Variants in RNF115 observed in about 807,000 individuals in gnomAD.
RNF115 encodes E3 ubiquitin-protein ligase RNF115.
RNF115 carries 31 observed loss-of-function variants against 39.2 expected under a neutral mutation model. That is an observed-to-expected ratio of 0.79 (90% confidence interval 0.59 to 1.07). The LOEUF (loss-of-function observed/expected upper bound fraction) is 1.07. Ranked by LOEUF, RNF115 falls within the 50% of genes least tolerant of loss-of-function variation. The pLI, the probability that RNF115 is intolerant of heterozygous loss-of-function variation, is 0.00. For missense variants in RNF115, 384 were observed against 381.7 expected, an observed-to-expected ratio of 1.01 and a Z score of -0.05; for synonymous variants, 124 against 131.0, an observed-to-expected ratio of 0.95 and a Z score of 0.37.
intron 1 of RNF115, among the ~76,000 whole-genome samples, chr1:145,804,499 GCACACACACACACACACACACA>G: frequency 6.7e-6 from 1 of 148,540 alleles, no homozygotes; most frequent in South Asian, 2.2e-4. Flanking sequence ...ATGCATGCAT[GCACACACACACACACACACACA>G]CACACACACA....
intron 1 of RNF115, among the ~76,000 whole-genome samples, chr1:145,805,397 TA>T (rs587651340): frequency 4.1e-4 from 56 of 136,140 alleles, no homozygotes; most frequent in East Asian, 1.0e-3. Context: ...AAAATAGTTC[TA>T]AAAAAAAAAT....
intron 2 of RNF115, among the ~76,000 whole-genome samples, chr1:145,784,927 A>G (rs587769523): frequency 6.6e-6 from 1 of 152,318 alleles, no homozygotes; most frequent in East Asian, 1.9e-4. Context: ...AACGCTAACA[A>G]AACAAAATGT....
chr1:145,749,083 G>GT (rs1443902492), intron 7 of RNF115, among the ~76,000 whole-genome samples: 1 of 152,106 alleles, frequency 6.6e-6, no homozygotes, highest in Non-Finnish European at 1.5e-5. Context: ...CAAGCAGCAA[G>GT]TTTTGAGTTT....
In RNF115 at chr1:145,823,901, AG is replaced by A. The variant is rs1359333625; in HGVS notation, c.-29del. 27 of 1,474,398 alleles carry A rather than the reference AG, an allele frequency of 1.8e-5. No homozygotes were observed. Among genetic ancestry groups the A allele is most frequent in the Admixed American group, 2.3e-5 (1 of 43,800 alleles). 91.3% of individuals were successfully genotyped at this position (1,474,398 alleles called of 1,614,324 possible). A position where few individuals can be genotyped will look rare whatever the true frequency, so the allele number is the denominator to read the frequency against. On this transcript the variant is annotated 5_prime_UTR_variant, in exon 1 of 9. Coordinates refer to ENST00000582693, the MANE Select transcript of RNF115 (RefSeq NM_014455.4). ...TTGCCCTCCGCCGCGGCCGTCCGAGAGGGCAGCCGGCCCGTCCCTCGCCAGG... is the reference window on the plus strand; with the variant it reads ...TTGCCCTCCGCCGCGGCCGTCCGAGAGGCAGCCGGCCCGTCCCTCGCCAGG...
rs1553724980 is a variant in RNF115, at chr1:145,823,870, C to A, written c.4G>T (p.Ala2Ser). 1 of 1,541,606 alleles carries A rather than the reference C, an allele frequency of 6.5e-7. No homozygotes were observed. The highest frequency in any genetic ancestry group is 8.7e-7 in the Non-Finnish European group (1 of 1,146,992). ...TCCGCCCCGGCCGCCGAAGCCTCCG[C>A]CATTTTTGCCCTCCGCCGCGGCCGT... is the stretch of plus-strand genomic sequence containing the variant. The part of the protein sequence containing the change: M[A>S]EASAAGADSG... Residue 2 changes from alanine (A) to serine (S), a missense_variant, in exon 1 of 9, where the codon GCG becomes TCG. Ala to Ser is a moderately conservative substitution (Grantham distance 99). Transcript: ENST00000582693.
rs1553711674 is a variant in RNF115, at chr1:145,745,951, G to A, written c.*915C>T. The A allele has an allele frequency of 6.6e-6, 1 of 151,298 alleles. No homozygotes were observed. The allele number at this position is 151,298 out of a possible 1,614,324, so 9.4% of individuals were successfully genotyped here. On this transcript the variant is annotated 3_prime_UTR_variant, in exon 9 of 9. Coordinates refer to ENST00000582693, the MANE Select transcript of RNF115 (RefSeq NM_014455.4). ...TTTAAAAATTAAAATAAGAGGCCAG[G>A]CGCAGTGGCTCACGCCTGTAATCCC... is the stretch of plus-strand genomic sequence containing the variant.
intron 1 of RNF115, among the ~76,000 whole-genome samples, chr1:145,793,693 T>A (rs1553719328): frequency 6.6e-6 from 1 of 152,034 alleles, no homozygotes; most frequent in Non-Finnish European, 1.5e-5. Flanking sequence ...CCGGGGGTCA[T>A]TCATAACGCC....
At chr1:145,816,023 T>C (rs1570698840) in intron 1 of RNF115, among the ~76,000 whole-genome samples, 1 of 133,776 alleles carries the variant, frequency 7.5e-6, no homozygotes, top group Non-Finnish European at 1.6e-5. Flanking sequence ...TCTCCTTATT[T>C]CTTAATATCC....
intron 4 of RNF115, among the ~76,000 whole-genome samples, chr1:145,765,383 C>T (rs912466744): frequency 3.4e-4 from 51 of 151,414 alleles, no homozygotes; most frequent in Non-Finnish European, 6.8e-4. Context: ...CCTGCCAAAT[C>T]CCCCTCTGCG....
At position 145,791,628 on chromosome 1, in the gene RNF115, G is replaced by A. The variant is rs117548701; in HGVS notation, c.103-2662C>T. Among the ~76,000 whole-genome samples, 80 of 152,124 alleles carry A rather than the reference G, an allele frequency of 5.3e-4. No homozygotes were observed. In the East Asian group the frequency reaches 0.013, roughly 25 times the overall value. On this transcript the variant is annotated intron_variant, in intron 1 of 8. Coordinates refer to ENST00000582693, the MANE Select transcript of RNF115 (RefSeq NM_014455.4). ...CTATTCTATCTTCTGTTTATCAATG[G>A]TTCCAAACAAGACCTAACAATTCTC...
intron 7 of RNF115, 130 bp downstream of exon 7, chr1:145,750,277 A>G (rs1658025974): frequency 1.4e-6 from 1 of 719,968 alleles, no homozygotes; most frequent in Non-Finnish European, 2.3e-6. Flanking sequence ...ATAGGAAGGT[A>G]TTGGGATTTT....
intron 1 of RNF115, among the ~76,000 whole-genome samples, chr1:145,819,271 CAAAAAAAAAAAAAAAAA>C (rs59058505): frequency 5.4e-4 from 28 of 52,256 alleles, no homozygotes; most frequent in Admixed American, 9.5e-4. Flanking sequence ...CCTTATCTCT[CAAAAAAAAAAAAAAAAA>C]AAAAAAAAAA....
At chr1:145,805,266 C>G in intron 1 of RNF115, among the ~76,000 whole-genome samples, 1 of 152,162 alleles carries the variant, frequency 6.6e-6, no homozygotes, top group Non-Finnish European at 1.5e-5. Context: ...AGATCACATA[C>G]AAACTGGTTG....
Position 145,744,035 on chromosome 1 carries a change from G to C in RNF115, c.*2831C>G, listed in dbSNP as rs1553711302. 1 of 152,624 alleles carries C rather than the reference G, an allele frequency of 6.6e-6. No individual in the cohort carries two copies. Among genetic ancestry groups the C allele is most frequent in the East Asian group, 1.8e-4 (1 of 5,426 alleles). 9.5% of individuals were successfully genotyped at this position (152,624 alleles called of 1,614,324 possible). On this transcript the variant is annotated 3_prime_UTR_variant, in exon 9 of 9. Transcript: ENST00000582693. ...TTTGTCTGATGCTGTTTGCTATACT[G>C]TGTATAAAAAGGCAGACCCCTATCC...
At chr1:145,811,368 A>G (rs1405857351) in intron 1 of RNF115, among the ~76,000 whole-genome samples, 1 of 148,250 alleles carries the variant, frequency 6.7e-6, no homozygotes, top group African/African-American at 2.5e-5. Flanking sequence ...AAAAAAAAAA[A>G]AAAAAAAGAA....
Position 145,746,911 on chromosome 1 carries a change from G to A in RNF115, c.870C>T (p.Asn290=), listed in dbSNP as rs1657898194. The A allele has an allele frequency of 6.2e-7, 1 of 1,613,968 alleles. No individual in the cohort carries two copies. Among genetic ancestry groups the A allele is most frequent in the African/African-American group, 1.3e-5 (1 of 74,892 alleles). ...GTAGCTGACTGTCATTGCTAAATCT[G>A]TTGCTTGCAGAGGCCTCAGTGCTCT... ...QSQSTEASAS[N]RFSNDSQLHD... is the part of the protein sequence containing the mutation. Residue 290 remains asparagine (N), a synonymous_variant, in exon 9 of 9, where the codon AAC becomes AAT. Transcript: ENST00000582693.
chr1:145,797,455 G>A (rs974551289), intron 1 of RNF115, among the ~76,000 whole-genome samples: 6 of 152,020 alleles, frequency 3.9e-5, no homozygotes, highest in Admixed American at 1.3e-4. Context: ...ATATCCTCAA[G>A]GTTCACCCAC....
chr1:145,776,791 G>A (rs1239109031), intron 3 of RNF115, among the ~76,000 whole-genome samples: 10 of 152,054 alleles, frequency 6.6e-5, no homozygotes, highest in African/African-American at 9.7e-5. Context: ...ATCTAAGATC[G>A]CGCCATTGCA....
chr1:145,814,724 C>A (rs1219630082), intron 1 of RNF115, among the ~76,000 whole-genome samples: 2 of 151,948 alleles, frequency 1.3e-5, no homozygotes, highest in Non-Finnish European at 2.9e-5. Context: ...CTGAAAAAGT[C>A]CCACAAATTT....
Sources: allele counts gnomAD v4.1 joint callset (sites outside exome capture counted in the v4.1 genomes callset), GRCh38; gene constraint gnomAD v4.1.1; transcripts MANE v1.5; gene names NCBI Gene and HGNC (gene_info 2026-07-23, HGNC 2026-07-21).